Variants in NEAT1 observed in about 807,000 individuals in gnomAD.
The protein encoded by NEAT1 is MENepsilon/beta.
At chr11:65,430,767 A>T (rs1856607620) in exon 1 of NEAT1, 1 of 152,184 alleles carries the variant, frequency 6.6e-6, no homozygotes, top group Non-Finnish European at 1.5e-5. Context: ...CTCTCTTCAC[A>T]GACTCAAATG....
At chr11:65,426,155 C>T (rs568890563) in exon 1 of NEAT1, 12 of 152,128 alleles carry the variant, frequency 7.9e-5, no homozygotes, top group Non-Finnish European at 1.8e-4. Context: ...TTTATCATTT[C>T]CTTCTTCCCT....
chr11:65,429,864 A>C (rs1467790285), exon 1 of NEAT1: 1 of 152,216 alleles, frequency 6.6e-6, no homozygotes, highest in Non-Finnish European at 1.5e-5. Context: ...GAGGAGGGGC[A>C]TGGTGCTCTC....
rs978554728 is a variant in NEAT1 at position 65,444,983 on chromosome 11, G to A, written n.22186G>A. On this transcript the variant is annotated non_coding_transcript_exon_variant, in exon 1 of 1. Transcript: ENST00000501122. ...AGTGTCCACAGGTCTTAGATTCCCT[G>A]TTCAGATGAAAAGATTTGTGCCTTT... is the stretch of plus-strand genomic sequence containing the variant. 13 of 168,040 alleles carry A rather than the reference G, an allele frequency of 7.7e-5. 1 individual carries two copies. In the South Asian group the frequency reaches 1.7e-3, roughly 21 times the overall value. The allele number at this position is 168,040 out of a possible 1,614,324, so 10.4% of individuals were successfully genotyped here.
exon 1 of NEAT1, chr11:65,445,450 G>C (rs1044019307): frequency 1.3e-4 from 20 of 152,362 alleles, no homozygotes; most frequent in African/African-American, 4.6e-4. Context: ...GCCGCCGCAG[G>C]TGTTTCTTTT....
exon 1 of NEAT1, chr11:65,436,975 C>CCAGG (rs1453090558): frequency 1.3e-5 from 2 of 152,080 alleles, no homozygotes; most frequent in East Asian, 3.9e-4. Flanking sequence ...ACACCTTCAC[C>CCAGG]CAGGCTGTGC....
At chr11:65,432,916 C>T (rs1236142651) in exon 1 of NEAT1, 1 of 151,004 alleles carries the variant, frequency 6.6e-6, no homozygotes, top group East Asian at 1.9e-4. Flanking sequence ...TAAGTTAGCT[C>T]TCACTTATAA....
chr11:65,435,170 T>C (rs1044833207), exon 1 of NEAT1: 8 of 152,170 alleles, frequency 5.3e-5, no homozygotes, highest in African/African-American at 1.9e-4. Flanking sequence ...AATGTTATTA[T>C]ATTATGTGCT....
At chr11:65,430,098 G>T (rs1856601018) in exon 1 of NEAT1, 1 of 152,236 alleles carries the variant, frequency 6.6e-6, no homozygotes, top group South Asian at 2.1e-4. Context: ...CTTTATGTCT[G>T]GGAGCAAGTT....
exon 1 of NEAT1, chr11:65,426,130 T>C (rs1388692892): frequency 2.0e-5 from 3 of 152,214 alleles, no homozygotes; most frequent in Non-Finnish European, 4.4e-5. Flanking sequence ...ATTGGTAAAG[T>C]AATACCAATG....
chr11:65,427,066 G>C, exon 1 of NEAT1: 1 of 152,190 alleles, frequency 6.6e-6, no homozygotes, highest in South Asian at 2.1e-4. Context: ...CCCTGTGTGC[G>C]TGCTACAGTA....
chr11:65,427,939 A>G (rs1450132633), exon 1 of NEAT1: 1 of 152,206 alleles, frequency 6.6e-6, no homozygotes, highest in Non-Finnish European at 1.5e-5. Context: ...TGGGGATGAA[A>G]TGGCACTTGT....
At chr11:65,426,880 G>C (rs1257553515) in exon 1 of NEAT1, 1 of 152,134 alleles carries the variant, frequency 6.6e-6, no homozygotes, top group Non-Finnish European at 1.5e-5. Context: ...ATTTTTGTTT[G>C]GTTAGGGGAA....
Position 65,429,749 on chromosome 11 carries a change from G to C in NEAT1, n.6952G>C, listed in dbSNP as rs1033311184. ...TGTGTAGATCTTTTCCACCCCAAGA[G>C]TACATAAATATTAATCCATACTTTC... is the stretch of plus-strand genomic sequence containing the variant. On this transcript the variant is annotated non_coding_transcript_exon_variant, in exon 1 of 1. Coordinates refer to ENST00000501122, the Ensembl canonical transcript of NEAT1. 5.6e-5 allele frequency: 6 copies of C among 107,790 alleles called. No individual in the cohort carries two copies. In the Admixed American group the frequency reaches 5.7e-4, roughly 10 times the overall value. 6.7% of individuals were successfully genotyped at this position (107,790 alleles called of 1,614,324 possible).
exon 1 of NEAT1, chr11:65,435,517 C>G (rs1856650250): frequency 6.6e-6 from 1 of 152,108 alleles, no homozygotes; most frequent in African/African-American, 2.4e-5. Flanking sequence ...TTGCAGTTTC[C>G]TAGCCATCTC....
chr11:65,422,880 A>G, exon 1 of NEAT1: 1 of 151,594 alleles, frequency 6.6e-6, no homozygotes. Context: ...GGGGACAGAC[A>G]GGGAGAGATG....
exon 1 of NEAT1, chr11:65,433,064 T>G (rs1463100289): frequency 6.6e-6 from 1 of 152,082 alleles, no homozygotes; most frequent in Non-Finnish European, 1.5e-5. Flanking sequence ...CTAAGTCATA[T>G]TCCATGGTGT....
At chr11:65,434,372 C>T (rs1394670446) in exon 1 of NEAT1, 2 of 152,100 alleles carry the variant, frequency 1.3e-5, no homozygotes, top group Non-Finnish European at 2.9e-5. Context: ...TCGCCTTATT[C>T]ACTTCCATTT....
chr11:65,436,862 G>A (rs1297836977), exon 1 of NEAT1: 1 of 151,966 alleles, frequency 6.6e-6, no homozygotes, highest in East Asian at 1.9e-4. Context: ...TGAGAGAAAA[G>A]TTTCCTCAGG....
chr11:65,424,809 T>G (rs914166141), exon 1 of NEAT1: 2 of 152,178 alleles, frequency 1.3e-5, no homozygotes, highest in Non-Finnish European at 2.9e-5. Context: ...AAACTTGAAC[T>G]TTACTTCGTT....
Sources: allele counts gnomAD v4.1 joint callset, GRCh38; gene constraint gnomAD v4.1.1; transcripts MANE v1.5; gene names NCBI Gene and HGNC (gene_info 2026-07-23, HGNC 2026-07-21).